Variants in MAS1 observed in about 807,000 individuals in gnomAD.
MAS1 encodes the protein proto-oncogene Mas.
For missense variants in MAS1, 387 were observed against 409.7 expected (o/e 0.94, Z 0.48); for synonymous variants, 163 against 164.2 (o/e 0.99, Z 0.05).
At position 159,906,285 on chromosome 6, in the gene MAS1, C is replaced by T. The variant is rs73588530; in HGVS notation, c.-36-635C>T. 5.8e-4 allele frequency among the ~76,000 whole-genome samples: 89 copies of T among 152,276 alleles called. 1 individual carries two copies. The highest frequency in any genetic ancestry group is 2.7e-3 in the East Asian group (14 of 5,186). ...ACACATCAATGGCTTGCCTGGCTTACGTAGTCTGAGCAGGTGCCCAGCTTT... is the reference window on the plus strand; with the variant it reads ...ACACATCAATGGCTTGCCTGGCTTATGTAGTCTGAGCAGGTGCCCAGCTTT... On this transcript the variant is annotated intron_variant, in intron 2 of 2. Transcript: ENST00000674077.
At chr6:159,895,502 C>T (rs566509256) in intron 1 of MAS1, among the ~76,000 whole-genome samples, 5 of 152,176 alleles carry the variant, frequency 3.3e-5, no homozygotes, top group African/African-American at 1.2e-4. Flanking sequence ...TATGTTGTAA[C>T]GTATAACATA....
rs1040405307 is a variant in MAS1, at chr6:159,907,753, G to T, written c.798G>T (p.Leu266=). 6.2e-7 allele frequency: 1 copy of T among 1,613,476 alleles called. No individual in the cohort carries two copies. Among genetic ancestry groups the T allele is most frequent in the African/African-American group, 1.3e-5 (1 of 74,726 alleles). Residue 266 remains leucine (L), a synonymous_variant, in exon 3 of 3, where the codon CTG becomes CTT. Coordinates refer to ENST00000674077, the MANE Select transcript of MAS1 (RefSeq NM_002377.4). ...STFGNLHHIS[L]LFSTINSSAN... ...TTGGGAACCTACACCACATTTCCCTGCTCTTCTCCACAATCAACAGTAGCG... is the reference window on the plus strand; with the variant it reads ...TTGGGAACCTACACCACATTTCCCTTCTCTTCTCCACAATCAACAGTAGCG...
At chr6:159,895,023 A>G (rs1050650290) in intron 1 of MAS1, among the ~76,000 whole-genome samples, 3 of 152,230 alleles carry the variant, frequency 2.0e-5, no homozygotes, top group Admixed American at 1.3e-4. Flanking sequence ...TAAAAACTCC[A>G]TCTTTTAAGG....
chr6:159,892,468 C>T (rs1249008635), intron 1 of MAS1, among the ~76,000 whole-genome samples: 1 of 152,130 alleles, frequency 6.6e-6, no homozygotes, highest in Non-Finnish European at 1.5e-5. Flanking sequence ...TTCTCCCCAG[C>T]CCCCTCTTTC....
In MAS1 at chr6:159,907,612, G is replaced by T. The variant is rs1171926339; in HGVS notation, c.657G>T (p.Trp219Cys). 3 of 1,613,430 alleles carry T rather than the reference G, an allele frequency of 1.9e-6. No homozygotes were observed. In the East Asian group the frequency reaches 6.7e-5, roughly 36 times the overall value. Residue 219 changes from tryptophan to cysteine, a missense_variant, in exon 3 of 3, where the codon TGG (tryptophan) becomes TGT (cysteine). Physicochemically the swap from Trp to Cys is radical, Grantham distance 215. Transcript: ENST00000674077. ...TCGTGAAGATCCGGAAGAACACGTGGGCTTCCCATTCCTCCAAGCTTTACA... is the reference window on the plus strand; with the variant it reads ...TCGTGAAGATCCGGAAGAACACGTGTGCTTCCCATTCCTCCAAGCTTTACA... ...ILVVKIRKNTWASHSSKLYIV... is the reference protein window; with the variant it reads ...ILVVKIRKNTCASHSSKLYIV...
rs916471240 is a variant in MAS1, at chr6:159,891,546, A to G, written c.-244+413A>G. 5.3e-5 allele frequency among the ~76,000 whole-genome samples: 8 copies of G among 152,208 alleles called. No homozygotes were observed. The East Asian group carries it at 1.5e-3, about 29-fold the overall frequency. ...TGAGGTTTGAAAGAGTTGTTACTGA[A>G]TTTGATTCCTCTGGAGAAATCACTT... On this transcript the variant is annotated intron_variant, in intron 1 of 2. Transcript: ENST00000674077.
Position 159,893,396 on chromosome 6 carries a change from G to T in MAS1, c.-244+2263G>T, listed in dbSNP as rs148280074. ...GGTCTGTGTCTCAGGGTAGGGGGCA[G>T]GGGGAGCACTGGTCCAACAGGAAGT... is the stretch of plus-strand genomic sequence containing the variant. On this transcript the variant is annotated intron_variant, in intron 1 of 2. Transcript: ENST00000674077. Among the ~76,000 whole-genome samples the T allele has an allele frequency of 2.7e-3, 418 of 152,324 alleles. 4 individuals are homozygous for T. Among genetic ancestry groups the T allele is most frequent in the Middle Eastern group, 0.02 (6 of 294 alleles).
intron 2 of MAS1, among the ~76,000 whole-genome samples, chr6:159,904,868 C>G (rs1782866320): frequency 6.6e-6 from 1 of 152,226 alleles, no homozygotes; most frequent in African/African-American, 2.4e-5. Flanking sequence ...CTGGCTGCCT[C>G]CTGCTTCTGG....
At chr6:159,906,160 G>A (rs1263798086) in intron 2 of MAS1, among the ~76,000 whole-genome samples, 3 of 151,992 alleles carry the variant, frequency 2.0e-5, no homozygotes, top group African/African-American at 7.3e-5. Context: ...AAATTTTTTT[G>A]AGTGCTTTGT....
chr6:159,901,468 G>A (rs549273087), intron 2 of MAS1, among the ~76,000 whole-genome samples: 2 of 152,280 alleles, frequency 1.3e-5, no homozygotes, highest in East Asian at 1.9e-4. Context: ...GTGTGATGGT[G>A]CATGCCTGTT....
In MAS1 at chr6:159,917,317, C is replaced by G. The variant is rs1254640795; in HGVS notation, c.*9384C>G. 1.3e-5 allele frequency among the ~76,000 whole-genome samples: 2 copies of G among 152,204 alleles called. No individual in the cohort carries two copies. The highest frequency in any genetic ancestry group is 2.9e-5 in the Non-Finnish European group (2 of 68,028). ...AGATTTTCTGTAGTAAGTACATTGC[C>G]TGTAAATAGAATTCCAATTCTACAT... On this transcript the variant is annotated 3_prime_UTR_variant, in exon 3 of 3. Coordinates refer to ENST00000674077, the MANE Select transcript of MAS1 (RefSeq NM_002377.4).
chr6:159,911,767 G>A lies in MAS1; in HGVS notation c.*3834G>A, dbSNP rs1782968212. 6.6e-6 allele frequency: 1 copy of A among 152,084 alleles called. No homozygotes were observed. The highest frequency in any genetic ancestry group is 1.5e-5 in the Non-Finnish European group (1 of 68,100). 9.4% of individuals were successfully genotyped at this position (152,084 alleles called of 1,614,324 possible). The stretch of plus-strand genomic sequence containing the variant: ...ATGGCTGGCTCCCCTTTACACAAGG[G>A]GAATAGAAGCAACCGGAAGAACTCT... On this transcript the variant is annotated 3_prime_UTR_variant, in exon 3 of 3. Transcript: ENST00000674077.
chr6:159,897,792 G>C (rs6911942), intron 1 of MAS1, among the ~76,000 whole-genome samples: 3,666 of 152,250 alleles, frequency 0.024, 143 homozygotes, highest in African/African-American at 0.083. Context: ...CTTTGAACAG[G>C]CAGGTGTGGT....
At chr6:159,889,850 C>G (rs1194334717), upstream of MAS1, among the ~76,000 whole-genome samples, 1 of 152,186 alleles carries the variant, frequency 6.6e-6, no homozygotes, top group Non-Finnish European at 1.5e-5. Flanking sequence ...GAGGGCCGAG[C>G]TGCTGGTCAG....
intron 2 of MAS1, among the ~76,000 whole-genome samples, chr6:159,904,056 C>T (rs538673541): frequency 3.7e-4 from 56 of 152,288 alleles, no homozygotes; most frequent in African/African-American, 1.3e-3. Flanking sequence ...CCCTTGAACT[C>T]GTTCTTACTT....
intron 1 of MAS1, among the ~76,000 whole-genome samples, chr6:159,898,525 T>TCCTCCTCCTC (rs1176730204): frequency 8.4e-5 from 12 of 142,260 alleles, no homozygotes; most frequent in East Asian, 4.5e-4. Context: ...TCCTCCTTCT[T>TCCTCCTCCTC]CCTCCTCCTC....
chr6:159,914,647 A>C lies in MAS1; in HGVS notation c.*6714A>C, dbSNP rs774349718. On this transcript the variant is annotated 3_prime_UTR_variant, in exon 3 of 3. Transcript: ENST00000674077. ...GACCTCCCTGTGGATTGTGCCAGCCAGTCCCTTCACCATGGTGTCCCCACT... is the reference window on the plus strand; with the variant it reads ...GACCTCCCTGTGGATTGTGCCAGCCCGTCCCTTCACCATGGTGTCCCCACT... 6.6e-6 allele frequency: 1 copy of C among 152,316 alleles called. No homozygotes were observed. The highest frequency in any genetic ancestry group is 1.5e-5 in the Non-Finnish European group (1 of 68,140). 9.4% of individuals were successfully genotyped at this position (152,316 alleles called of 1,614,324 possible). A position where few individuals can be genotyped will look rare whatever the true frequency, so the allele number is the denominator to read the frequency against.
intron 2 of MAS1, among the ~76,000 whole-genome samples, chr6:159,904,566 T>C (rs12333081): frequency 0.12 from 17,805 of 152,224 alleles, 1,972 homozygotes; most frequent in African/African-American, 0.29. Flanking sequence ...ACATCCTCCC[T>C]GTGTCTAGGC....
At position 159,910,905 on chromosome 6, in the gene MAS1, G is replaced by GGGCT. The variant is rs1782957682; in HGVS notation, c.*2974_*2977dup. 6.6e-6 allele frequency: 1 copy of GGGCT among 152,182 alleles called. No individual in the cohort carries two copies. 9.4% of individuals were successfully genotyped at this position (152,182 alleles called of 1,614,324 possible). ...TAACTTCCACAGTGTCAAATCTGAT[G>GGGCT]GGCTGTTTTCTACCTATGCCTTTTG... is the stretch of plus-strand genomic sequence containing the variant. On this transcript the variant is annotated 3_prime_UTR_variant, in exon 3 of 3. Transcript: ENST00000674077.
Sources: allele counts gnomAD v4.1 joint callset (sites outside exome capture counted in the v4.1 genomes callset), GRCh38; gene constraint gnomAD v4.1.1; transcripts MANE v1.5; gene names NCBI Gene and HGNC (gene_info 2026-07-23, HGNC 2026-07-21).